PABPC4: variants seen among roughly 807,000 people sequenced by gnomAD.
PABPC4 encodes the protein poly(A) binding protein cytoplasmic 4, also known as polyadenylate-binding protein 4.
PABPC4 carries 15 observed loss-of-function variants against 74.5 expected under a neutral mutation model. The ratio of observed to expected loss-of-function variants is 0.20; its 90% CI spans 0.13 to 0.31. The LOEUF is 0.31. Ranked by LOEUF, PABPC4 falls within the 10% of genes least tolerant of loss-of-function variation. The pLI is 1.00. For synonymous variants in PABPC4, 345 were observed against 303.0 expected, an observed-to-expected ratio of 1.14 and a Z score of -1.44; for missense variants, 610 against 853.5, an observed-to-expected ratio of 0.71 and a Z score of 3.55.
At chr1:39,567,436 C>G in intron 7 of PABPC4, 1 of 539,936 alleles carries the variant, frequency 1.9e-6, no homozygotes, top group Non-Finnish European at 3.6e-6. Context: ...TCTGGATTTC[C>G]TCTGCTCATT....
At chr1:39,569,536 C>A in intron 5 of PABPC4, 59 bp downstream of exon 5, 1 of 1,243,028 alleles carries the variant, frequency 8.0e-7, no homozygotes, top group South Asian at 1.2e-5. Flanking sequence ...TAGCAAGACC[C>A]TACCCATACT....
intron 7 of PABPC4, among the ~76,000 whole-genome samples, chr1:39,567,090 C>T (rs1645857364): frequency 6.6e-6 from 1 of 152,254 alleles, no homozygotes; most frequent in East Asian, 1.9e-4. Flanking sequence ...GTTCAGATGG[C>T]ACCAGTTTCC....
chr1:39,564,956 T>C, intron 8 of PABPC4, 150 bp downstream of exon 8: 1 of 945,648 alleles, frequency 1.1e-6, no homozygotes, highest in Non-Finnish European at 1.6e-6. Context: ...GGTGTGTGTT[T>C]GTGACCATGG....
chr1:39,572,209 C>T lies in PABPC4; in HGVS notation c.387+184G>A, dbSNP rs150001027. On this transcript the variant is annotated intron_variant, in intron 2 of 15. Coordinates refer to ENST00000372858, the MANE Select transcript of PABPC4 (RefSeq NM_001135653.2). ...TGAGTAAAGAACAAGGGTATGAAAG[C>T]GTGTGCTGGTTACGCTGGGTATGGC... Among the ~76,000 whole-genome samples the T allele has an allele frequency of 4.0e-3, 609 of 152,244 alleles. 4 individuals are homozygous for T. Among genetic ancestry groups the T allele is most frequent in the Non-Finnish European group, 4.3e-3 (295 of 68,014 alleles).
At chr1:39,571,434 ACT>A (rs1407331473) in intron 2 of PABPC4, 85 bp from the exon 3 acceptor site, 54 of 1,531,266 alleles carry the variant, frequency 3.5e-5, no homozygotes, top group Non-Finnish European at 4.6e-5. Context: ...GCCTGAGGAG[ACT>A]CTAGCCCATC....
intron 5 of PABPC4, 122 bp from the exon 6 acceptor site, chr1:39,569,061 G>C (rs1645895858): frequency 9.8e-7 from 1 of 1,018,846 alleles, no homozygotes; most frequent in Admixed American, 2.5e-5. Context: ...CTCCACCTCT[G>C]AAGTCTGTCA....
chr1:39,569,520 A>C, intron 5 of PABPC4, 75 bp downstream of exon 5: 1 of 965,322 alleles, frequency 1.0e-6, no homozygotes, highest in Non-Finnish European at 1.7e-6. Flanking sequence ...AGCTCTAGGT[A>C]GGTGCTAGCA....
chr1:39,567,985 C>T (rs764368558), intron 6 of PABPC4, 139 bp from the exon 7 acceptor site: 8 of 574,736 alleles, frequency 1.4e-5, no homozygotes, highest in East Asian at 3.0e-5. Flanking sequence ...CGGCCGGACG[C>T]GGTGGCTCAC....
At chr1:39,563,293 G>T in intron 12 of PABPC4, 1 of 279,324 alleles carries the variant, frequency 3.6e-6, no homozygotes, top group South Asian at 6.1e-5. Flanking sequence ...GAGCAGCCAA[G>T]GATCCAATAG....
At chr1:39,570,248 T>G (rs1645918949) in intron 3 of PABPC4, among the ~76,000 whole-genome samples, 1 of 152,220 alleles carries the variant, frequency 6.6e-6, no homozygotes, top group African/African-American at 2.4e-5. Context: ...TCACACTGCC[T>G]TCATGAAGAA....
chr1:39,574,156 C>A (rs1300765481), intron 1 of PABPC4, among the ~76,000 whole-genome samples: 1 of 152,204 alleles, frequency 6.6e-6, no homozygotes, highest in Admixed American at 6.5e-5. Flanking sequence ...TTCCCCACCC[C>A]CTTCAGAAGG....
intron 7 of PABPC4, among the ~76,000 whole-genome samples, chr1:39,565,940 G>C (rs1419938322): frequency 1.3e-5 from 2 of 152,176 alleles, no homozygotes; most frequent in African/African-American, 4.8e-5. Flanking sequence ...GTCCCTGGGT[G>C]GGGAGGGAAC....
chr1:39,571,498 C>T, intron 2 of PABPC4, 149 bp from the exon 3 acceptor site: 1 of 762,988 alleles, frequency 1.3e-6, no homozygotes. Flanking sequence ...ACACCTAGCA[C>T]AGCACCAGGT....
chr1:39,562,845 A>T (rs1645784151), intron 12 of PABPC4: 1 of 157,410 alleles, frequency 6.4e-6, no homozygotes, highest in Non-Finnish European at 1.4e-5. Context: ...CAAAGGGAGT[A>T]AATATCAACA....
At chr1:39,571,169 T>C in intron 3 of PABPC4, 65 bp downstream of exon 3, 1 of 1,610,082 alleles carries the variant, frequency 6.2e-7, no homozygotes, top group East Asian at 2.2e-5. Context: ...TGTGTGCCAG[T>C]TAATAGCGAG....
At position 39,569,657 on chromosome 1, in the gene PABPC4, G is replaced by C; in HGVS notation, c.676C>G (p.Pro226Ala). ...KTLSVKVMRDPNGKSKGFGFV... is the reference protein window; with the variant it reads ...KTLSVKVMRDANGKSKGFGFV... ...CCAAAGCCTTTGGATTTCCCATTGG[G>C]ATCTCTCATCACCTTGACACTTAGG... Residue 226 changes from proline (P) to alanine (A), a missense_variant, in exon 5 of 16, where the codon CCC becomes GCC. Physicochemically the swap from Pro to Ala is conservative, Grantham distance 27. Around this residue, in one of 4 missense-constraint regions of PABPC4, gnomAD observed 304 missense variants for 478.9 expected, o/e 0.63. Coordinates refer to ENST00000372858, the MANE Select transcript of PABPC4 (RefSeq NM_001135653.2). 3.7e-6 allele frequency: 6 copies of C among 1,614,068 alleles called. No individual in the cohort carries two copies. Among genetic ancestry groups the C allele is most frequent in the South Asian group, 1.1e-5 (1 of 91,074 alleles).
intron 7 of PABPC4, among the ~76,000 whole-genome samples, chr1:39,565,637 G>A (rs909753808): frequency 1.3e-5 from 2 of 152,244 alleles, no homozygotes; most frequent in Admixed American, 6.5e-5. Flanking sequence ...AGACCATCCT[G>A]ACCAACATGG....
Position 39,576,056 on chromosome 1 carries a change from A to AG in PABPC4, c.-106dup, listed in dbSNP as rs1007166191. 2 of 771,416 alleles carry AG rather than the reference A, an allele frequency of 2.6e-6. No homozygotes were observed. The highest frequency in any genetic ancestry group is 3.7e-5 in the African/African-American group (2 of 54,190). The allele number at this position is 771,416 out of a possible 1,614,324, so 47.8% of individuals were successfully genotyped here. On this transcript the variant is annotated 5_prime_UTR_variant, in exon 1 of 16. Coordinates refer to ENST00000372858, the MANE Select transcript of PABPC4 (RefSeq NM_001135653.2). ...AGCCCGGGCCCGCGCCGCGGCTCAC[A>AG]GGTGGCACCGGCGCGGCGAGGACGA...
At position 39,576,443 on chromosome 1, in the gene PABPC4, G is replaced by A. The variant is rs2124025104; in HGVS notation, c.-492C>T. On this transcript the variant is annotated 5_prime_UTR_variant, in exon 1 of 16. Transcript: ENST00000372858. The stretch of plus-strand genomic sequence containing the variant: ...TGGGCGCCGACTCGGCGAGCCCCGG[G>A]CGGGCGGCGAAGGGCAGCACGGACA... 1 of 151,504 alleles carries A rather than the reference G, an allele frequency of 6.6e-6. No individual in the cohort carries two copies. The highest frequency in any genetic ancestry group is 1.9e-4 in the South Asian group (1 of 5,172). The allele number at this position is 151,504 out of a possible 1,614,324, so 9.4% of individuals were successfully genotyped here.
Sources: gnomAD v4.1 joint callset for allele counts (sites outside exome capture counted in the v4.1 genomes callset) on GRCh38, gnomAD v4.1.1 for gene constraint, gnomAD v4.1.1 regional missense constraint, MANE v1.5 for transcripts, NCBI Gene and HGNC (gene_info 2026-07-23, HGNC 2026-07-21) for gene names.